The following ARHGEF18 variants were observed in gnomAD, a reference collection of about 807,000 sequenced individuals.
ARHGEF18 encodes the protein Rho/Rac guanine nucleotide exchange factor 18.
In ARHGEF18, 93 loss-of-function variants were observed where a neutral mutation model predicts 155.7. The observed-to-expected ratio is 0.60, with a 90% CI of 0.50 to 0.71. The LOEUF is 0.71. Among genes scored for constraint, ARHGEF18 ranks in the 30% least tolerant of loss-of-function variants. The pLI is 0.00. For synonymous variants in ARHGEF18, 742 were observed against 753.1 expected (o/e 0.99, Z 0.24); for missense variants, 1,593 against 1,816.1 (o/e 0.88, Z 2.23).
intron 14 of ARHGEF18, among the ~76,000 whole-genome samples, chr19:7,445,489 G>C (rs967818890): frequency 2.0e-5 from 3 of 152,162 alleles, no homozygotes; most frequent in African/African-American, 7.2e-5. Context: ...CACCAACCGT[G>C]GTAGTGGTAT....
intron 7 of ARHGEF18, 134 bp from the exon 8 acceptor site, chr19:7,380,783 A>G (rs1405727042): frequency 4.5e-6 from 2 of 447,258 alleles, no homozygotes; most frequent in African/African-American, 2.0e-5. Context: ...TGTCTCATAT[A>G]CAAGCCCAGA....
Position 7,362,395 on chromosome 19 carries a change from C to T in ARHGEF18, c.-110-386C>T, listed in dbSNP as rs569806838. 4.3e-4 allele frequency among the ~76,000 whole-genome samples: 65 copies of T among 152,034 alleles called. 1 individual carries two copies. Among genetic ancestry groups the T allele is most frequent in the Admixed American group, 2.8e-3 (43 of 15,248 alleles). ...GCATTGGGTACTTGCATTTGGTCTA[C>T]GGGACCATTAGCATCATTGATCAAC... is the stretch of plus-strand genomic sequence containing the variant. On this transcript the variant is annotated intron_variant, in intron 1 of 28. Coordinates refer to ENST00000668164, the MANE Select transcript of ARHGEF18 (RefSeq NM_001367823.1).
chr19:7,468,841 A>G lies in ARHGEF18; in HGVS notation c.3497A>G (p.His1166Arg). ...DTLAEAQPPS[H>R]PPSFNGEGLE... ...TCCCCTCAGGCCCAGCCCCCAAGCC[A>G]CCCTCCCAGCTTCAACGGGGAAGGG... Residue 1166 changes from histidine to arginine, a missense_variant, in exon 27 of 29, where the codon CAC (histidine) becomes CGC (arginine). Transcript: ENST00000668164. The G allele has an allele frequency of 1.3e-6, 2 of 1,559,642 alleles. No homozygotes were observed. Among genetic ancestry groups the G allele is most frequent in the East Asian group, 2.4e-5 (1 of 42,104 alleles).
intron 10 of ARHGEF18, among the ~76,000 whole-genome samples, chr19:7,386,939 C>T (rs750660940): frequency 1.3e-5 from 2 of 151,976 alleles, no homozygotes; most frequent in African/African-American, 2.4e-5. Context: ...GGGATTTGGG[C>T]GGGACAGCGT....
At position 7,453,733 on chromosome 19, in the gene ARHGEF18, C is replaced by T. The variant is rs1397849285; in HGVS notation, c.2104+18C>T. On this transcript the variant is annotated intron_variant, in intron 17 of 28. Coordinates refer to ENST00000668164, the MANE Select transcript of ARHGEF18 (RefSeq NM_001367823.1). ...CTTGAAAGGTAAAGGCCTGCCCCTG[C>T]CCACCTCTAGTGGGTGCCATCTTGG... The T allele has an allele frequency of 6.5e-7, 1 of 1,530,198 alleles. No homozygotes were observed. The highest frequency in any genetic ancestry group is 2.0e-5 in the Admixed American group (1 of 49,716). 94.8% of individuals were successfully genotyped at this position (1,530,198 alleles called of 1,614,324 possible). A position where few individuals can be genotyped will look rare whatever the true frequency, so the allele number is the denominator to read the frequency against.
At chr19:7,464,194 T>C (rs1976473733) in intron 22 of ARHGEF18, among the ~76,000 whole-genome samples, 1 of 152,076 alleles carries the variant, frequency 6.6e-6, no homozygotes, top group Non-Finnish European at 1.5e-5. Context: ...CACGCCACCA[T>C]GCCCGGCTAC....
In ARHGEF18 at chr19:7,437,938, T is replaced by A. The variant is rs990975242; in HGVS notation, c.968-2406T>A. The stretch of plus-strand genomic sequence containing the variant: ...GATTACAGGCATGAGCCACTGCACC[T>A]GATCTGACAAATCAGATTTCTATTT... On this transcript the variant is annotated intron_variant, in intron 10 of 28. Coordinates refer to ENST00000668164, the MANE Select transcript of ARHGEF18 (RefSeq NM_001367823.1). Among the ~76,000 whole-genome samples the A allele has an allele frequency of 2.6e-5, 4 of 151,924 alleles. No homozygotes were observed. In the East Asian group the frequency reaches 7.7e-4, roughly 29 times the overall value.
intron 10 of ARHGEF18, among the ~76,000 whole-genome samples, chr19:7,427,053 C>T (rs1973707113): frequency 6.6e-6 from 1 of 152,090 alleles, no homozygotes; most frequent in Non-Finnish European, 1.5e-5. Flanking sequence ...TTTTCCCTCT[C>T]GTAAGCTCGA....
intron 2 of ARHGEF18, among the ~76,000 whole-genome samples, chr19:7,367,139 C>T (rs1347335946): frequency 6.6e-6 from 1 of 152,194 alleles, no homozygotes; most frequent in Non-Finnish European, 1.5e-5. Flanking sequence ...TCTCATTTCA[C>T]CTGCACAACA....
chr19:7,399,783 T>TC (rs1355324395), intron 10 of ARHGEF18, among the ~76,000 whole-genome samples: 1 of 151,664 alleles, frequency 6.6e-6, no homozygotes, highest in African/African-American at 2.4e-5. Context: ...CTTTTTTTTT[T>TC]TTTTTTGAGA....
At chr19:7,443,636 C>T (rs8105625) in intron 13 of ARHGEF18, among the ~76,000 whole-genome samples, 2,996 of 152,246 alleles carry the variant, frequency 0.02, 95 homozygotes, top group African/African-American at 0.066. Context: ...TTTTGGGGGA[C>T]GCAAACATCT....
chr19:7,479,714 G>T, the ARHGEF18 span, among the ~76,000 whole-genome samples: 3 of 151,520 alleles, frequency 2.0e-5, no homozygotes, highest in Non-Finnish European at 4.4e-5. Flanking sequence ...GACTTCGATG[G>T]CCGTGAAACA....
At chr19:7,417,319 GA>G (rs1440994605) in intron 10 of ARHGEF18, among the ~76,000 whole-genome samples, 1 of 152,136 alleles carries the variant, frequency 6.6e-6, no homozygotes, top group Non-Finnish European at 1.5e-5. Flanking sequence ...GAGGCAGAGG[GA>G]GGAGGACTGC....
chr19:7,479,462 C>T, the ARHGEF18 span, among the ~76,000 whole-genome samples: 277 of 152,246 alleles, frequency 1.8e-3, no homozygotes, highest in African/African-American at 6.0e-3. Context: ...CCAGCCTGGG[C>T]GACAGAGGAA....
chr19:7,427,522 G>A (rs1396691523), intron 10 of ARHGEF18, among the ~76,000 whole-genome samples: 1 of 151,362 alleles, frequency 6.6e-6, no homozygotes, highest in Non-Finnish European at 1.5e-5. Context: ...GTGTCTGCCT[G>A]TAGTTCCAGC....
chr19:7,435,469 A>G (rs1974203446), intron 10 of ARHGEF18, among the ~76,000 whole-genome samples: 1 of 152,114 alleles, frequency 6.6e-6, no homozygotes, highest in Non-Finnish European at 1.5e-5. Context: ...AGGAGTCTTC[A>G]TTGTGGTTTC....
intron 2 of ARHGEF18, among the ~76,000 whole-genome samples, chr19:7,364,365 A>AAGG (rs1555698634): frequency 3.5e-5 from 4 of 112,936 alleles, no homozygotes; most frequent in East Asian, 2.8e-4. Flanking sequence ...GGAGGGAAGG[A>AAGG]AAGGAAGGAA....
chr19:7,418,616 C>G (rs902043046), intron 10 of ARHGEF18, among the ~76,000 whole-genome samples: 10 of 151,928 alleles, frequency 6.6e-5, no homozygotes, highest in Non-Finnish European at 7.4e-5. Context: ...ACGATTATCC[C>G]CATCCTACAG....
intron 10 of ARHGEF18, chr19:7,394,927 T>A: frequency 6.0e-5 from 21 of 352,170 alleles, no homozygotes; most frequent in Non-Finnish European, 7.1e-5. Flanking sequence ...GCCCTCACCC[T>A]CGCCGCGAGC....
Sources: allele counts gnomAD v4.1 joint callset (sites outside exome capture counted in the v4.1 genomes callset), GRCh38; gene constraint gnomAD v4.1.1; transcripts MANE v1.5; gene names NCBI Gene and HGNC (gene_info 2026-07-23, HGNC 2026-07-21).